The following SELP variants were observed in gnomAD, a reference collection of about 807,000 sequenced individuals.
SELP encodes the protein P-selectin.
SELP carries 92 observed loss-of-function variants against 104.1 expected under a neutral mutation model. That is an observed-to-expected ratio of 0.88 (90% CI 0.75 to 1.05). SELP has a LOEUF of 1.05. Among genes scored for constraint, SELP ranks in the 50% least tolerant of loss-of-function variants. The probability of loss-of-function intolerance (pLI) is 0.00; values close to 1 mark genes in which losing one functional copy is unlikely to be tolerated. For missense variants in SELP, 1,022 were observed against 1,017.3 expected, an observed-to-expected ratio of 1.00 and a Z score of -0.06; for synonymous variants, 397 against 364.5, an observed-to-expected ratio of 1.09 and a Z score of -1.01.
intron 8 of SELP, among the ~76,000 whole-genome samples, chr1:169,609,131 A>G (rs1662355729): frequency 6.6e-6 from 1 of 152,176 alleles, no homozygotes; most frequent in Non-Finnish European, 1.5e-5. Context: ...ACTGAGCCTC[A>G]GAGAGTCTAA....
At chr1:169,606,777 G>A (rs1291381044) in intron 9 of SELP, among the ~76,000 whole-genome samples, 172 bp downstream of exon 9, 3 of 152,198 alleles carry the variant, frequency 2.0e-5, no homozygotes, top group Admixed American at 1.3e-4. Flanking sequence ...TCCCCCGGAG[G>A]CATTTGCATT....
chr1:169,597,876 A>T (rs987586110), intron 10 of SELP, among the ~76,000 whole-genome samples: 1 of 152,192 alleles, frequency 6.6e-6, no homozygotes, highest in African/African-American at 2.4e-5. Context: ...ATCCTCCAGG[A>T]TTTAACTCGT....
At position 169,609,656 on chromosome 1, in the gene SELP, T is replaced by G; in HGVS notation, c.1181A>C (p.His394Pro). Reference protein sequence around the residue: ...ISCEPLESPVHGSMDCSPSLR... With the variant: ...ISCEPLESPVPGSMDCSPSLR... Reference sequence around the variant, plus strand: ...GGATGGAGAGCAATCCATGCTTCCGTGGACAGGACTCTCCAGCGGCTCACA... The same window carrying G: ...GGATGGAGAGCAATCCATGCTTCCGGGGACAGGACTCTCCAGCGGCTCACA... Residue 394 changes from histidine (H) to proline (P), a missense_variant, in exon 8 of 17, where the codon CAC becomes CCC. Transcript: ENST00000263686. 1 of 1,613,766 alleles carries G rather than the reference T, an allele frequency of 6.2e-7. No individual in the cohort carries two copies.
At chr1:169,622,937 C>G (rs549521662) in intron 1 of SELP, among the ~76,000 whole-genome samples, 12 of 152,238 alleles carry the variant, frequency 7.9e-5, no homozygotes, top group African/African-American at 2.4e-4. Context: ...ATTGGATAAA[C>G]TTTAAGAAAT....
intron 13 of SELP, among the ~76,000 whole-genome samples, chr1:169,594,301 T>C (rs1298139033): frequency 6.6e-6 from 1 of 152,148 alleles, no homozygotes; most frequent in African/African-American, 2.4e-5. Context: ...TGGAATTTAA[T>C]TAAGGAAGAT....
chr1:169,622,353 G>A (rs1324609580), intron 1 of SELP, among the ~76,000 whole-genome samples: 1 of 152,160 alleles, frequency 6.6e-6, no homozygotes, highest in African/African-American at 2.4e-5. Context: ...CATATAACTT[G>A]GAAGGACTTC....
intron 10 of SELP, among the ~76,000 whole-genome samples, chr1:169,599,400 A>AG (rs2101877968): frequency 6.6e-6 from 1 of 152,204 alleles, no homozygotes; most frequent in African/African-American, 2.4e-5. Context: ...AATAGAAAAC[A>AG]GATAAGGTTT....
intron 10 of SELP, 72 bp from the exon 11 acceptor site, chr1:169,597,248 C>T (rs945430263): frequency 6.7e-6 from 9 of 1,344,222 alleles, no homozygotes; most frequent in Non-Finnish European, 9.1e-6. Flanking sequence ...AAAGTTCATT[C>T]ACTTATATAT....
chr1:169,601,255 A>G (rs1661897375), intron 10 of SELP, among the ~76,000 whole-genome samples: 1 of 152,208 alleles, frequency 6.6e-6, no homozygotes, highest in African/African-American at 2.4e-5. Context: ...AACTTGTAGT[A>G]TATCTTTTTG....
intron 9 of SELP, among the ~76,000 whole-genome samples, chr1:169,604,160 G>A (rs1324719976): frequency 6.6e-6 from 1 of 151,754 alleles, no homozygotes; most frequent in Non-Finnish European, 1.5e-5. Context: ...GTGTGAGATG[G>A]TATCTCATTG....
Position 169,594,774 on chromosome 1 carries a change from T to A in SELP, c.2205A>T (p.Leu735=), listed in dbSNP as rs751766138. 2.5e-6 allele frequency: 4 copies of A among 1,613,902 alleles called. No individual in the cohort carries two copies. The South Asian group carries it at 4.4e-5, about 18-fold the overall frequency. ...CAGAGCCATTAAGTAACTGGCCCTCTAGACAATGGAAAGAGCAGATTGATC... is the reference window on the plus strand; with the variant it reads ...CAGAGCCATTAAGTAACTGGCCCTCAAGACAATGGAAAGAGCAGATTGATC... The part of the protein sequence containing the change: ...SYGSICSFHC[L]EGQLLNGSAQ... The change falls in exon 13 of 17, where the codon CTA becomes CTT. Residue 735 remains leucine, a synonymous_variant. Transcript: ENST00000263686.
In SELP at chr1:169,607,005, C is replaced by T. The variant is rs1319694860; in HGVS notation, c.1463G>A (p.Ser488Asn). 6.2e-7 allele frequency: 1 copy of T among 1,613,904 alleles called. No individual in the cohort carries two copies. Among genetic ancestry groups the T allele is most frequent in the East Asian group, 2.2e-5 (1 of 44,874 alleles). ...CNEGLLLVGA[S>N]VLQCLATGNW... ...TCCAGTAGCCAAGCACTGTAGCACA[C>T]TTGCTCCCACCAGGAGCAAGCCTTC... Residue 488 changes from serine (S) to asparagine (N), a missense_variant, in exon 9 of 17, where the codon AGT (serine) becomes AAT (asparagine). Physicochemically the swap from Ser to Asn is conservative, Grantham distance 46. Coordinates refer to ENST00000263686, the MANE Select transcript of SELP (RefSeq NM_003005.4).
At position 169,629,601 on chromosome 1, in the gene SELP, C is replaced by T. The variant is rs547782287; in HGVS notation, c.3+471G>A. 2.6e-5 allele frequency among the ~76,000 whole-genome samples: 4 copies of T among 152,310 alleles called. No individual in the cohort carries two copies. The South Asian group carries it at 8.3e-4, about 32-fold the overall frequency. On this transcript the variant is annotated intron_variant, in intron 1 of 16. Coordinates refer to ENST00000263686, the MANE Select transcript of SELP (RefSeq NM_003005.4). ...AAATGGGAGGGATGGGGATGAGAAA[C>T]TATTCAATTGTAAGCTTGTCCCAGG...
chr1:169,616,463 T>C, intron 3 of SELP, among the ~76,000 whole-genome samples: 1 of 152,174 alleles, frequency 6.6e-6, no homozygotes. Context: ...GTAAGAGTAA[T>C]AGAAAAACCT....
At chr1:169,611,734 C>CAG (rs1553230821) in intron 6 of SELP, 57 bp from the exon 7 acceptor site, 8 of 1,554,092 alleles carry the variant, frequency 5.1e-6, no homozygotes, top group East Asian at 2.3e-5. Context: ...AAAAGCCACA[C>CAG]AGAGAGCAAT....
chr1:169,606,152 A>G (rs191707673), intron 9 of SELP, among the ~76,000 whole-genome samples: 14 of 152,296 alleles, frequency 9.2e-5, no homozygotes, highest in Middle Eastern at 3.4e-3. Flanking sequence ...CCTCATCTCT[A>G]CCAAAAATAC....
chr1:169,620,016 C>T (rs763726661), intron 1 of SELP, among the ~76,000 whole-genome samples: 2 of 151,916 alleles, frequency 1.3e-5, no homozygotes, highest in Non-Finnish European at 2.9e-5. Context: ...GCCTGGCCAA[C>T]ATAGTGAAAC....
At chr1:169,601,894 C>CA (rs3216192) in intron 10 of SELP, among the ~76,000 whole-genome samples, 69,017 of 151,902 alleles carry the variant, frequency 0.45, 17,092 homozygotes, top group East Asian at 0.96. Context: ...TAATTATTAC[C>CA]ATTATCACTG....
At chr1:169,619,592 C>T (rs1322034286) in intron 1 of SELP, among the ~76,000 whole-genome samples, 1 of 152,052 alleles carries the variant, frequency 6.6e-6, no homozygotes, top group Non-Finnish European at 1.5e-5. Flanking sequence ...ATGTCATACC[C>T]AAGAATAACA....
Sources: allele counts gnomAD v4.1 joint callset (sites outside exome capture counted in the v4.1 genomes callset), GRCh38; gene constraint gnomAD v4.1.1; transcripts MANE v1.5; gene names NCBI Gene and HGNC (gene_info 2026-07-23, HGNC 2026-07-21).